NME7: variants seen among roughly 807,000 people sequenced by gnomAD.
NME7 encodes the protein NME/NM23 family member 7.
Under a neutral mutation model 49.1 loss-of-function variants are expected in NME7, and 41 were observed. The observed-to-expected ratio is 0.83, with a 90% CI of 0.65 to 1.08. The LOEUF (loss-of-function observed/expected upper bound fraction) is 1.08. Ranked by LOEUF, NME7 falls within the 50% of genes least tolerant of loss-of-function variation. NME7 has a pLI of 0.00. For synonymous variants in NME7, 139 were observed against 150.6 expected (o/e 0.92, Z 0.56); for missense variants, 423 against 463.4 (o/e 0.91, Z 0.80).
intron 7 of NME7, among the ~76,000 whole-genome samples, chr1:169,260,907 C>CA (rs146241206): frequency 0.018 from 2,425 of 133,362 alleles, 344 homozygotes; most frequent in African/African-American, 0.054. Context: ...GCACTGTCAT[C>CA]AAAATTCTGC....
chr1:169,365,169 G>T (rs1653805904), intron 1 of NME7, among the ~76,000 whole-genome samples: 1 of 152,054 alleles, frequency 6.6e-6, no homozygotes, highest in Non-Finnish European at 1.5e-5. Flanking sequence ...AGACAGTTTG[G>T]AAACACCTAT....
intron 11 of NME7, among the ~76,000 whole-genome samples, chr1:169,164,172 T>C (rs1659337188): frequency 6.6e-6 from 1 of 151,470 alleles, no homozygotes; most frequent in Admixed American, 6.6e-5. Flanking sequence ...TTTAGAAAAC[T>C]GGCTAGGTGA....
At chr1:169,302,291 A>C (rs538400309) in intron 5 of NME7, 2 of 152,312 alleles carry the variant, frequency 1.3e-5, no homozygotes, top group African/African-American at 4.8e-5. Context: ...TCTACCAAAA[A>C]GATACATGCA....
chr1:169,333,375 A>G (rs1321965501), intron 1 of NME7, among the ~76,000 whole-genome samples: 1 of 152,160 alleles, frequency 6.6e-6, no homozygotes, highest in Admixed American at 6.5e-5. Context: ...ATAAAATTAA[A>G]AAGAATGACT....
intron 11 of NME7, among the ~76,000 whole-genome samples, chr1:169,161,270 T>G (rs1188401707): frequency 6.6e-6 from 1 of 152,248 alleles, no homozygotes; most frequent in South Asian, 2.1e-4. Flanking sequence ...AAGAGAAAGC[T>G]GTTTGCTTTT....
chr1:169,230,087 G>A (rs1647535827), intron 10 of NME7, among the ~76,000 whole-genome samples: 1 of 151,984 alleles, frequency 6.6e-6, no homozygotes, highest in African/African-American at 2.4e-5. Flanking sequence ...TTACATTAAG[G>A]TTAGTATTTA....
chr1:169,321,277 T>C (rs1038022548), intron 3 of NME7, among the ~76,000 whole-genome samples: 3 of 152,160 alleles, frequency 2.0e-5, no homozygotes, highest in African/African-American at 4.8e-5. Flanking sequence ...GGAGGATCAC[T>C]TGAGCATGGG....
chr1:169,241,454 TA>T (rs932799368), intron 7 of NME7, among the ~76,000 whole-genome samples: 8 of 151,680 alleles, frequency 5.3e-5, no homozygotes, highest in African/African-American at 1.7e-4. Context: ...TTAATGATAA[TA>T]AAAAAATGAT....
chr1:169,168,102 G>T (rs1394142080), intron 11 of NME7, among the ~76,000 whole-genome samples: 1 of 152,130 alleles, frequency 6.6e-6, no homozygotes, highest in Non-Finnish European at 1.5e-5. Context: ...AAGATCTCAG[G>T]AGTTGGGCAA....
chr1:169,170,317 G>A (rs1659546889), intron 10 of NME7, among the ~76,000 whole-genome samples: 1 of 152,190 alleles, frequency 6.6e-6, no homozygotes, highest in African/African-American at 2.4e-5. Flanking sequence ...AAGGTCGTAA[G>A]TGGGTCACCT....
intron 11 of NME7, among the ~76,000 whole-genome samples, chr1:169,154,691 A>T (rs1026579050): frequency 9.9e-5 from 15 of 151,816 alleles, no homozygotes; most frequent in Admixed American, 8.5e-4. Context: ...CCAGCTACTC[A>T]GGAGGCTGAG....
chr1:169,292,628 T>C (rs1244401648), intron 6 of NME7, among the ~76,000 whole-genome samples: 3 of 152,154 alleles, frequency 2.0e-5, no homozygotes, highest in Non-Finnish European at 2.9e-5. Flanking sequence ...GACAGATCAC[T>C]GGAACGCCTT....
chr1:169,367,319 A>G (rs1394692305), intron 1 of NME7, among the ~76,000 whole-genome samples: 1 of 152,156 alleles, frequency 6.6e-6, no homozygotes, highest in African/African-American at 2.4e-5. Flanking sequence ...AGATCTAGGG[A>G]GATTCAGATC....
intron 10 of NME7, among the ~76,000 whole-genome samples, chr1:169,215,207 C>T (rs1235647196): frequency 6.6e-6 from 1 of 152,226 alleles, no homozygotes; most frequent in Non-Finnish European, 1.5e-5. Flanking sequence ...CTGCCTCCTT[C>T]TGACATCCAG....
intron 11 of NME7, among the ~76,000 whole-genome samples, chr1:169,155,339 G>T (rs910529126): frequency 2.0e-5 from 3 of 152,208 alleles, no homozygotes; most frequent in Non-Finnish European, 4.4e-5. Context: ...ACAAAGCAGT[G>T]ATGAAGCAAG....
At chr1:169,254,816 T>C (rs1648838807) in intron 7 of NME7, among the ~76,000 whole-genome samples, 1 of 133,508 alleles carries the variant, frequency 7.5e-6, no homozygotes. Context: ...TTCATTTCGC[T>C]ATGTACCCAG....
At chr1:169,302,027 A>G (rs1650959134) in intron 5 of NME7, 1 of 152,048 alleles carries the variant, frequency 6.6e-6, no homozygotes, top group African/African-American at 2.4e-5. Context: ...TTCCCACGTA[A>G]CAAATCTGCA....
At chr1:169,144,860 C>T (rs1195693563) in intron 11 of NME7, among the ~76,000 whole-genome samples, 2 of 152,068 alleles carry the variant, frequency 1.3e-5, no homozygotes, top group Admixed American at 6.6e-5. Flanking sequence ...AGTAAAATGA[C>T]TAAAAATTGC....
At position 169,351,823 on chromosome 1, in the gene NME7, TA is replaced by T. The variant is rs1209233255; in HGVS notation, c.3+15884del. Among the ~76,000 whole-genome samples the T allele has an allele frequency of 5.3e-5, 8 of 151,880 alleles. No individual in the cohort carries two copies. The East Asian group carries it at 7.7e-4, about 15-fold the overall frequency. On this transcript the variant is annotated intron_variant, in intron 1 of 11. Coordinates refer to ENST00000367811, the MANE Select transcript of NME7 (RefSeq NM_013330.5). The stretch of plus-strand genomic sequence containing the variant: ...ATATGCCAATAAATTTAAAAATCTG[TA>T]AAAAATCAAAAACTTCCTACACACA...
Sources: allele counts gnomAD v4.1 joint callset (sites outside exome capture counted in the v4.1 genomes callset), GRCh38; gene constraint gnomAD v4.1.1; transcripts MANE v1.5; gene names NCBI Gene and HGNC (gene_info 2026-07-23, HGNC 2026-07-21).